PSD3: variants seen among roughly 807,000 people sequenced by gnomAD.
PSD3 encodes PH and SEC7 domain-containing protein 3.
A neutral mutation model predicts 105.5 loss-of-function variants in PSD3; 49 were observed. The ratio of observed to expected loss-of-function variants is 0.46; its 90% CI spans 0.37 to 0.59. The LOEUF (loss-of-function observed/expected upper bound fraction) is 0.59, where lower values mean the gene tolerates loss of function less well. PSD3 is among the 20% of genes least tolerant of loss of function. The pLI is 0.00. For missense variants in PSD3, 1,561 were observed against 1,263.8 expected (o/e 1.24, Z -3.57); for synonymous variants, 557 against 457.8 (o/e 1.22, Z -2.77).
At chr8:18,689,227 C>G (rs1217784339) in intron 9 of PSD3, among the ~76,000 whole-genome samples, 1 of 152,138 alleles carries the variant, frequency 6.6e-6, no homozygotes, top group Non-Finnish European at 1.5e-5. Flanking sequence ...CTTTGAGCAG[C>G]TCACATTCAG....
intron 4 of PSD3, chr8:18,808,771 A>C (rs774282113): frequency 2.7e-5 from 44 of 1,613,942 alleles, no homozygotes; most frequent in Non-Finnish European, 3.6e-5. Context: ...CCATACAGAC[A>C]CCAAGAAGAG....
chr8:18,580,809 G>A (rs28634202), intron 12 of PSD3, among the ~76,000 whole-genome samples: 2,510 of 152,168 alleles, frequency 0.016, 74 homozygotes, highest in African/African-American at 0.058. Context: ...AAATCACATA[G>A]AGATTCTTGA....
At chr8:18,695,166 C>T (rs948873469) in intron 9 of PSD3, among the ~76,000 whole-genome samples, 3 of 152,088 alleles carry the variant, frequency 2.0e-5, no homozygotes, top group African/African-American at 2.4e-5. Flanking sequence ...AGAACAGCAA[C>T]GACAAAGGCC....
chr8:18,558,015 G>A lies in PSD3; in HGVS notation c.2785-1663C>T, dbSNP rs138266982. Among the ~76,000 whole-genome samples the A allele has an allele frequency of 1.2e-3, 184 of 152,322 alleles. 1 individual carries two copies. The South Asian group carries it at 0.015, about 13-fold the overall frequency. ...GTGCCCTTATAAGAGGAGACACTGT[G>A]TGCAAGCACCAATGGAAGGCCATGG... is the stretch of plus-strand genomic sequence containing the variant. On this transcript the variant is annotated intron_variant, in intron 14 of 15. Coordinates refer to ENST00000327040, the MANE Select transcript of PSD3 (RefSeq NM_015310.4).
chr8:18,983,496 G>C (rs1307871771), intron 1 of PSD3, among the ~76,000 whole-genome samples: 1 of 152,208 alleles, frequency 6.6e-6, no homozygotes, highest in African/African-American at 2.4e-5. Context: ...TTGATTTCAA[G>C]TGAAAAACAT....
At chr8:18,729,690 C>G (rs578095376) in intron 9 of PSD3, among the ~76,000 whole-genome samples, 4 of 152,178 alleles carry the variant, frequency 2.6e-5, no homozygotes, top group Non-Finnish European at 5.9e-5. Context: ...AAAAACTCTT[C>G]TTTCTCTAAA....
intron 12 of PSD3, among the ~76,000 whole-genome samples, chr8:18,583,057 A>C (rs4301482): frequency 0.76 from 115,166 of 151,728 alleles, 45,519 homozygotes; most frequent in South Asian, 0.92. Flanking sequence ...TGAACTCCTG[A>C]CCTCATGATC....
At chr8:18,797,414 T>G (rs1289183492) in intron 8 of PSD3, among the ~76,000 whole-genome samples, 1 of 152,142 alleles carries the variant, frequency 6.6e-6, no homozygotes, top group East Asian at 1.9e-4. Flanking sequence ...ATGTAAACTC[T>G]TTTCCATCCC....
intron 4 of PSD3, among the ~76,000 whole-genome samples, chr8:18,834,272 T>C (rs1813913500): frequency 1.3e-5 from 2 of 152,330 alleles, no homozygotes; most frequent in Admixed American, 1.3e-4. Flanking sequence ...CTTGATTACA[T>C]GGCAACACCA....
intron 2 of PSD3, among the ~76,000 whole-genome samples, chr8:18,925,189 C>A (rs1821284417): frequency 6.6e-6 from 1 of 152,120 alleles, no homozygotes; most frequent in African/African-American, 2.4e-5. Context: ...GAGTTTGAGA[C>A]CTGCCGGGGC....
At position 18,900,662 on chromosome 8, in the gene PSD3, T is replaced by C. The variant is rs1335257393; in HGVS notation, c.131-27929A>G. 2.7e-5 allele frequency among the ~76,000 whole-genome samples: 4 copies of C among 150,112 alleles called. No individual in the cohort carries two copies. In the South Asian group the frequency reaches 6.5e-4, roughly 24 times the overall value. On this transcript the variant is annotated intron_variant, in intron 2 of 15. Transcript: ENST00000327040. ...ACAACTCTTTTTTTTTTTTTTTTTT[T>C]TTTTGGGAGACAGGGTCTTGCTCTG...
intron 11 of PSD3, among the ~76,000 whole-genome samples, chr8:18,618,382 G>A (rs1039496798): frequency 6.6e-5 from 10 of 151,380 alleles, no homozygotes; most frequent in African/African-American, 1.4e-4. Context: ...CTGAGGCTAC[G>A]TCATGGGCCA....
intron 2 of PSD3, among the ~76,000 whole-genome samples, chr8:18,924,245 G>A (rs979856667): frequency 1.2e-4 from 18 of 152,262 alleles, no homozygotes; most frequent in African/African-American, 3.4e-4. Context: ...AAACTACTGC[G>A]TATCAAGCAG....
chr8:18,635,812 C>T (rs990197334), intron 10 of PSD3, among the ~76,000 whole-genome samples: 19 of 150,540 alleles, frequency 1.3e-4, no homozygotes, highest in African/African-American at 3.7e-4. Context: ...CATGTTCTCA[C>T]TCATAAGTGA....
intron 1 of PSD3, among the ~76,000 whole-genome samples, chr8:18,996,694 T>C (rs1434224944): frequency 6.6e-6 from 1 of 151,926 alleles, no homozygotes; most frequent in East Asian, 1.9e-4. Context: ...CTTGACCTCA[T>C]TTCTCCCTGC....
chr8:19,022,511 C>T (rs1374260732), intron 1 of PSD3, among the ~76,000 whole-genome samples: 1 of 152,216 alleles, frequency 6.6e-6, no homozygotes, highest in East Asian at 1.9e-4. Context: ...GTGGGCTGAT[C>T]CCATCCACAT....
At chr8:18,586,580 A>G (rs1452806425) in intron 12 of PSD3, among the ~76,000 whole-genome samples, 4 of 152,036 alleles carry the variant, frequency 2.6e-5, no homozygotes, top group Admixed American at 1.3e-4. Context: ...TGTGTGGTAT[A>G]TATGTGTTTA....
intron 1 of PSD3, among the ~76,000 whole-genome samples, chr8:19,050,318 C>G (rs186699208): frequency 7.2e-4 from 109 of 152,208 alleles, no homozygotes; most frequent in Middle Eastern, 3.4e-3. Context: ...CCCCGCCTGT[C>G]AAGGATATAA....
At chr8:18,709,650 C>G (rs1802126104) in intron 9 of PSD3, among the ~76,000 whole-genome samples, 1 of 152,196 alleles carries the variant, frequency 6.6e-6, no homozygotes, top group East Asian at 1.9e-4. Context: ...AACAGGCAAC[C>G]ATCTTTGCTG....
Sources: allele counts gnomAD v4.1 joint callset (sites outside exome capture counted in the v4.1 genomes callset), GRCh38; gene constraint gnomAD v4.1.1; transcripts MANE v1.5; gene names NCBI Gene and HGNC (gene_info 2026-07-23, HGNC 2026-07-21).